Variants in DSCAML1 observed in about 807,000 individuals in gnomAD.
DSCAML1 encodes the protein cell adhesion molecule DSCAML1.
Under a neutral mutation model 200.5 loss-of-function variants are expected in DSCAML1, and 38 were observed. That is an observed-to-expected ratio of 0.19 (90% CI 0.15 to 0.25). The LOEUF is 0.25. Ranked by LOEUF, DSCAML1 falls within the 10% of genes least tolerant of loss-of-function variation. The pLI, the probability that DSCAML1 is intolerant of heterozygous loss-of-function variation, is 1.00. For synonymous variants in DSCAML1, 1,215 were observed against 1,165.0 expected (o/e 1.04, Z -0.87); for missense variants, 2,223 against 2,858.8 (o/e 0.78, Z 5.07).
At chr11:117,795,439 G>A (rs1173322400) in intron 1 of DSCAML1, among the ~76,000 whole-genome samples, 1 of 152,292 alleles carries the variant, frequency 6.6e-6, no homozygotes, top group South Asian at 2.1e-4. Flanking sequence ...AACCTGGGGA[G>A]AGGGAGACTG....
At chr11:117,702,918 T>C (rs550846969) in intron 3 of DSCAML1, among the ~76,000 whole-genome samples, 69 of 152,364 alleles carry the variant, frequency 4.5e-4, no homozygotes, top group African/African-American at 1.7e-3. Context: ...AATCCTATTG[T>C]AAAATAGAAG....
intron 3 of DSCAML1, among the ~76,000 whole-genome samples, chr11:117,645,197 G>A (rs1240174870): frequency 6.6e-6 from 1 of 152,176 alleles, no homozygotes; most frequent in African/African-American, 2.4e-5. Context: ...CAGCCCCAAA[G>A]GATCTCAGGG....
At chr11:117,808,120 T>G (rs551756446) in intron 1 of DSCAML1, among the ~76,000 whole-genome samples, 7 of 152,316 alleles carry the variant, frequency 4.6e-5, no homozygotes, top group African/African-American at 1.7e-4. Context: ...GCGCCCGGCC[T>G]GCAGTTTTCA....
At position 117,516,932 on chromosome 11, in the gene DSCAML1, C is replaced by A. The variant is rs1013206931; in HGVS notation, c.1511-193G>T. 6.6e-6 allele frequency among the ~76,000 whole-genome samples: 1 copy of A among 152,090 alleles called. No homozygotes were observed. Among genetic ancestry groups the A allele is most frequent in the Admixed American group, 6.5e-5 (1 of 15,282 alleles). ...GACAGGGGCTGGAATTGGGGGGTGC[C>A]CACAGTCTCTCCAGGACTCACTGTT... On this transcript the variant is annotated intron_variant, in intron 7 of 32. Transcript: ENST00000651296. This position sits in a 1 kb window ranked among gnomAD's most constrained non-coding sequence, Gnocchi z 5.7.
At chr11:117,779,707 T>C (rs1475245089) in intron 2 of DSCAML1, among the ~76,000 whole-genome samples, 1 of 152,134 alleles carries the variant, frequency 6.6e-6, no homozygotes, top group Non-Finnish European at 1.5e-5. Context: ...TGTATAAAGT[T>C]CATAAATAAG....
At chr11:117,611,655 T>C (rs2051696420) in intron 3 of DSCAML1, 1 of 152,246 alleles carries the variant, frequency 6.6e-6, no homozygotes, top group African/African-American at 2.4e-5. Flanking sequence ...TCCAGTATCT[T>C]AGCAGGAAAC....
chr11:117,543,411 G>A (rs1389132965), intron 3 of DSCAML1, among the ~76,000 whole-genome samples: 2 of 152,156 alleles, frequency 1.3e-5, no homozygotes, highest in Non-Finnish European at 2.9e-5. Context: ...GTGTACCTGT[G>A]CTGGTGTGTG....
rs1419627278 is a variant in DSCAML1, at chr11:117,632,425, T to C, written c.512-99903A>G. ...CCTGTAGGCACCTGAAGACAGGAAC[T>C]ATGAGGCTTTCTTGAAGCCTTCTTG... On this transcript the variant is annotated intron_variant, in intron 3 of 32. Transcript: ENST00000651296. Among the ~76,000 whole-genome samples, 5 of 152,214 alleles carry C rather than the reference T, an allele frequency of 3.3e-5. No individual in the cohort carries two copies. The East Asian group carries it at 5.8e-4, about 18-fold the overall frequency.
chr11:117,769,065 A>T lies in DSCAML1; in HGVS notation c.511+7726T>A, dbSNP rs1037096491. 2.2e-3 allele frequency among the ~76,000 whole-genome samples: 16 copies of T among 7,336 alleles called. No homozygotes were observed. The South Asian group carries it at 0.14, about 64-fold the overall frequency. The allele number at this position is 7,336 out of a possible 152,430, so 4.8% of individuals were successfully genotyped here. ...ACAGAGCAAGATTCCATCTCAAAAA[A>T]ATATATATATAATCTATATATAATA... On this transcript the variant is annotated intron_variant, in intron 3 of 32. Coordinates refer to ENST00000651296, the MANE Select transcript of DSCAML1 (RefSeq NM_020693.4).
intron 3 of DSCAML1, among the ~76,000 whole-genome samples, chr11:117,627,100 T>C (rs2052062728): frequency 6.6e-6 from 1 of 152,188 alleles, no homozygotes; most frequent in South Asian, 2.1e-4. Flanking sequence ...CAGCAGATAA[T>C]TAATTTTCTA....
chr11:117,796,737 G>A (rs2055584257), intron 1 of DSCAML1, among the ~76,000 whole-genome samples: 1 of 152,220 alleles, frequency 6.6e-6, no homozygotes, highest in Admixed American at 6.5e-5. Flanking sequence ...CTGGGGGAGG[G>A]GTCCAGGGCA....
chr11:117,724,703 C>T (rs1188105856), intron 3 of DSCAML1, among the ~76,000 whole-genome samples: 1 of 152,368 alleles, frequency 6.6e-6, no homozygotes, highest in South Asian at 2.1e-4. Context: ...GCAGATAACC[C>T]TTAGTGAATT....
intron 3 of DSCAML1, among the ~76,000 whole-genome samples, chr11:117,757,364 T>C (rs921307858): frequency 2.0e-5 from 3 of 152,104 alleles, no homozygotes; most frequent in African/African-American, 7.2e-5. Flanking sequence ...TTTCAAGATA[T>C]CCATCTAGGA....
At chr11:117,717,281 GC>G (rs2053966867) in intron 3 of DSCAML1, among the ~76,000 whole-genome samples, 1 of 152,012 alleles carries the variant, frequency 6.6e-6, no homozygotes, top group East Asian at 1.9e-4. Flanking sequence ...GCACTGCCCT[GC>G]CCCCCTCAAG....
chr11:117,781,049 C>G (rs1372531943), intron 1 of DSCAML1, among the ~76,000 whole-genome samples: 1 of 152,116 alleles, frequency 6.6e-6, no homozygotes, highest in Non-Finnish European at 1.5e-5. Flanking sequence ...GTAATTCCAG[C>G]ACTTTGGGAG....
chr11:117,471,699 A>T (rs1302189208), intron 15 of DSCAML1, among the ~76,000 whole-genome samples, 170 bp downstream of exon 15: 1 of 120,946 alleles, frequency 8.3e-6, no homozygotes, highest in Admixed American at 7.5e-5. Context: ...AAAAGGGTCA[A>T]ATAGGAGCCT....
intron 1 of DSCAML1, among the ~76,000 whole-genome samples, chr11:117,808,070 T>G (rs942979839): frequency 1.3e-5 from 2 of 152,210 alleles, no homozygotes; most frequent in Non-Finnish European, 2.9e-5. Flanking sequence ...TCCGCCCGCC[T>G]AGGCTTCCCA....
chr11:117,701,896 G>A (rs1331486980), intron 3 of DSCAML1, among the ~76,000 whole-genome samples: 3 of 152,200 alleles, frequency 2.0e-5, no homozygotes, highest in African/African-American at 7.2e-5. Context: ...GCAGATGTAC[G>A]TGGGGCACAC....
chr11:117,570,794 C>T (rs2050836331), intron 3 of DSCAML1, among the ~76,000 whole-genome samples: 1 of 152,232 alleles, frequency 6.6e-6, no homozygotes, highest in Admixed American at 6.5e-5. Flanking sequence ...GGTCATGACC[C>T]TTCACAGGGG....
Sources: allele counts gnomAD v4.1 joint callset (sites outside exome capture counted in the v4.1 genomes callset), GRCh38; gene constraint gnomAD v4.1.1; non-coding constraint Gnocchi (gnomAD v3.1); transcripts MANE v1.5; gene names NCBI Gene and HGNC (gene_info 2026-07-23, HGNC 2026-07-21).